The following CCDC42 variants were observed in gnomAD, a reference collection of about 807,000 sequenced individuals.
The protein encoded by CCDC42 is coiled-coil domain-containing protein 42.
Under a neutral mutation model 40.8 loss-of-function variants are expected in CCDC42, and 38 were observed. The observed-to-expected ratio is 0.93, with a 90% CI of 0.72 to 1.22. The LOEUF (loss-of-function observed/expected upper bound fraction) is 1.22, where lower values mean the gene tolerates loss of function less well. CCDC42 is among the 50% of genes most tolerant of loss of function. CCDC42 has a pLI of 0.00. For synonymous variants in CCDC42, 135 were observed against 157.5 expected (o/e 0.86, Z 1.07); for missense variants, 379 against 416.5 (o/e 0.91, Z 0.78).
intron 6 of CCDC42, among the ~76,000 whole-genome samples, chr17:8,731,846 C>G (rs1202685231): frequency 1.3e-5 from 2 of 152,208 alleles, no homozygotes; most frequent in African/African-American, 4.8e-5. Flanking sequence ...ACAACGAACC[C>G]TTGTGACATG....
chr17:8,744,393 G>A, intron 1 of CCDC42, 134 bp downstream of exon 1: 2 of 795,874 alleles, frequency 2.5e-6, no homozygotes, highest in South Asian at 3.1e-5. Context: ...GTGATGAGGT[G>A]GACTGGTGCC....
chr17:8,735,059 C>G lies in CCDC42; in HGVS notation c.873+37G>C. ...CAACTGGCAACCTCCTCGGCCCAGCCGACCCCACGGGCCCAGTGCCTGTCC... is the reference window on the plus strand; with the variant it reads ...CAACTGGCAACCTCCTCGGCCCAGCGGACCCCACGGGCCCAGTGCCTGTCC... On this transcript the variant is annotated intron_variant, in intron 6 of 6. Coordinates refer to ENST00000293845, the MANE Select transcript of CCDC42 (RefSeq NM_144681.3). The surrounding 1 kb of genome is among the most constrained non-coding windows in gnomAD (Gnocchi z 4.7). The G allele has an allele frequency of 6.2e-7, 1 of 1,610,886 alleles. No individual in the cohort carries two copies. The highest frequency in any genetic ancestry group is 8.5e-7 in the Non-Finnish European group (1 of 1,177,814).
chr17:8,744,686 G>A lies in CCDC42; in HGVS notation c.-77C>T. On this transcript the variant is annotated 5_prime_UTR_variant, in exon 1 of 7. Transcript: ENST00000293845. ...GGGTAGCAGAGCCACAGGTGGCTCAGGGGTGGTGGCTGCACTCTTGTTTCT... is the reference window on the plus strand; with the variant it reads ...GGGTAGCAGAGCCACAGGTGGCTCAAGGGTGGTGGCTGCACTCTTGTTTCT... The A allele has an allele frequency of 9.7e-7, 1 of 1,034,930 alleles. No individual in the cohort carries two copies. Among genetic ancestry groups the A allele is most frequent in the Non-Finnish European group, 1.5e-6 (1 of 665,356 alleles). 64.1% of individuals were successfully genotyped at this position (1,034,930 alleles called of 1,614,324 possible).
intron 4 of CCDC42, among the ~76,000 whole-genome samples, chr17:8,740,511 A>G (rs978690476): frequency 2.0e-3 from 300 of 146,968 alleles, no homozygotes; most frequent in Non-Finnish European, 3.8e-3. Flanking sequence ...AAAAAAAAAA[A>G]GTGGAGGATC....
In CCDC42 at chr17:8,735,460, A is replaced by G; in HGVS notation, c.644T>C (p.Leu215Pro). 1 of 1,614,088 alleles carries G rather than the reference A, an allele frequency of 6.2e-7. No individual in the cohort carries two copies. The highest frequency in any genetic ancestry group is 8.5e-7 in the Non-Finnish European group (1 of 1,180,024). ...CCTTGCCAGCTCATTGTTTTGCTGC[A>G]GGATCTCATCATCCTTTTCCTCCAT... is the stretch of plus-strand genomic sequence containing the variant. ...RYMEEKDDEI[L>P]QQNNELARLQ... Residue 215 changes from leucine (L) to proline (P), a missense_variant, in exon 5 of 7, where the codon CTG becomes CCG. Physicochemically the swap from Leu to Pro is moderately conservative, Grantham distance 98. Transcript: ENST00000293845. This position sits in a 1 kb window ranked among gnomAD's most constrained non-coding sequence, Gnocchi z 4.7.
At chr17:8,730,596 T>C (rs2086574633) in intron 6 of CCDC42, among the ~76,000 whole-genome samples, 1 of 152,140 alleles carries the variant, frequency 6.6e-6, no homozygotes, top group Non-Finnish European at 1.5e-5. Context: ...CGCCTCAGCC[T>C]CCCAAAAGGC....
At chr17:8,730,349 A>AT (rs1294907939) in intron 6 of CCDC42, 142 bp from the exon 7 acceptor site, 4 of 585,910 alleles carry the variant, frequency 6.8e-6, no homozygotes, top group Admixed American at 3.4e-5. Context: ...TTATTTATTT[A>AT]TTTTTTTGAT....
chr17:8,738,807 C>T (rs1157420342), intron 4 of CCDC42, among the ~76,000 whole-genome samples: 1 of 152,032 alleles, frequency 6.6e-6, no homozygotes, highest in Non-Finnish European at 1.5e-5. Flanking sequence ...TAAAAAGTTA[C>T]AAAACGTTAA....
intron 4 of CCDC42, among the ~76,000 whole-genome samples, chr17:8,738,638 G>A (rs1290518889): frequency 6.6e-6 from 1 of 151,908 alleles, no homozygotes; most frequent in Non-Finnish European, 1.5e-5. Context: ...GCTAATTTTT[G>A]TATTTTTAGT....
At position 8,735,573 on chromosome 17, in the gene CCDC42, C is replaced by T. The variant is rs764949930; in HGVS notation, c.531G>A (p.Thr177=). 5.6e-6 allele frequency: 9 copies of T among 1,614,108 alleles called. No homozygotes were observed. The highest frequency in any genetic ancestry group is 2.2e-5 in the East Asian group (1 of 44,872). Reference sequence around the variant, plus strand: ...TGAGGTCGTGGCGCATGCTCACCAGCGTCTTGTAGCGTGCAATCACCTCAT... The same window carrying T: ...TGAGGTCGTGGCGCATGCTCACCAGTGTCTTGTAGCGTGCAATCACCTCAT... ...EIHEVIARYK[T]LVSMRHDLMQ... Residue 177 remains threonine (T), a synonymous_variant, in exon 5 of 7, where the codon ACG becomes ACA. Coordinates refer to ENST00000293845, the MANE Select transcript of CCDC42 (RefSeq NM_144681.3). The surrounding 1 kb of genome is among the most constrained non-coding windows in gnomAD (Gnocchi z 4.7).
chr17:8,732,812 C>T (rs1451715790), intron 6 of CCDC42, among the ~76,000 whole-genome samples: 1 of 152,186 alleles, frequency 6.6e-6, no homozygotes, highest in Non-Finnish European at 1.5e-5. Flanking sequence ...CTGGAAAGTG[C>T]TTGTTCAGAT....
intron 4 of CCDC42, among the ~76,000 whole-genome samples, chr17:8,736,635 C>CT (rs1387007707): frequency 6.6e-6 from 1 of 152,218 alleles, no homozygotes; most frequent in Non-Finnish European, 1.5e-5. Flanking sequence ...CCCTGCTGGC[C>CT]TTTCCCCAAA....
chr17:8,735,472 T>C lies in CCDC42; in HGVS notation c.632A>G (p.Asp211Gly). ...ARLARYMEEK[D>G]DEILQQNNEL... ...ATTGTTTTGCTGCAGGATCTCATCA[T>C]CCTTTTCCTCCATGTAGCGCGCCAG... Residue 211 changes from aspartate (D) to glycine (G), a missense_variant, in exon 5 of 7, where the codon GAT (aspartate) becomes GGT (glycine). Physicochemically the swap from Asp to Gly is moderately conservative, Grantham distance 94. Coordinates refer to ENST00000293845, the MANE Select transcript of CCDC42 (RefSeq NM_144681.3). The surrounding 1 kb of genome is among the most constrained non-coding windows in gnomAD (Gnocchi z 4.7). 1 of 1,614,128 alleles carries C rather than the reference T, an allele frequency of 6.2e-7. No individual in the cohort carries two copies. The highest frequency in any genetic ancestry group is 8.5e-7 in the Non-Finnish European group (1 of 1,180,036).
intron 4 of CCDC42, among the ~76,000 whole-genome samples, chr17:8,737,441 G>C (rs1014050627): frequency 2.0e-5 from 3 of 152,150 alleles, no homozygotes; most frequent in Non-Finnish European, 2.9e-5. Context: ...AAACATTACA[G>C]GTCAGTGCTA....
intron 6 of CCDC42, among the ~76,000 whole-genome samples, chr17:8,734,143 T>A (rs186654727): frequency 6.6e-6 from 1 of 152,304 alleles, no homozygotes; most frequent in Admixed American, 6.5e-5. Context: ...CACAAAACAG[T>A]TTTGAAACTT....
At chr17:8,740,375 C>T (rs2086635047) in intron 4 of CCDC42, among the ~76,000 whole-genome samples, 1 of 151,500 alleles carries the variant, frequency 6.6e-6, no homozygotes, top group South Asian at 2.1e-4. Context: ...ATAATCCCAG[C>T]TACTCGGGAG....
At chr17:8,738,242 T>C (rs1029224334) in intron 4 of CCDC42, among the ~76,000 whole-genome samples, 10 of 152,200 alleles carry the variant, frequency 6.6e-5, no homozygotes, top group Admixed American at 4.6e-4. Flanking sequence ...TAGAGATACA[T>C]ACTGCAGAGA....
chr17:8,736,378 C>T (rs1401985050), intron 4 of CCDC42, among the ~76,000 whole-genome samples: 2 of 152,200 alleles, frequency 1.3e-5, no homozygotes, highest in Non-Finnish European at 2.9e-5. Context: ...CTGCCAGACT[C>T]AGCTCACCTC....
At chr17:8,743,576 T>C in intron 3 of CCDC42, 50 bp downstream of exon 3, 5 of 1,077,896 alleles carry the variant, frequency 4.6e-6, no homozygotes, top group Non-Finnish European at 7.2e-6. Context: ...TTTGCCCACC[T>C]GCGGACTATG....
Sources: gnomAD v4.1 joint callset for allele counts (sites outside exome capture counted in the v4.1 genomes callset) on GRCh38, gnomAD v4.1.1 for gene constraint, Gnocchi (gnomAD v3.1) non-coding constraint, MANE v1.5 for transcripts, NCBI Gene and HGNC (gene_info 2026-07-23, HGNC 2026-07-21) for gene names.